The following SLC5A5 variants were observed in gnomAD, a reference collection of about 807,000 sequenced individuals.
The protein encoded by SLC5A5 is solute carrier family 5 member 5.
SLC5A5 carries 56 observed loss-of-function variants against 68.6 expected under a neutral mutation model. The observed-to-expected ratio is 0.82, with a 90% CI of 0.66 to 1.02. The LOEUF (loss-of-function observed/expected upper bound fraction) is 1.02, where lower values mean the gene tolerates loss of function less well. SLC5A5 is among the 50% of genes least tolerant of loss of function. The probability of loss-of-function intolerance (pLI) is 0.00; values close to 1 mark genes in which losing one functional copy is unlikely to be tolerated. For synonymous variants in SLC5A5, 398 were observed against 373.0 expected (o/e 1.07, Z -0.77); for missense variants, 807 against 859.8 (o/e 0.94, Z 0.77).
At chr19:17,876,941 G>A (rs779826163) in intron 5 of SLC5A5, among the ~76,000 whole-genome samples, 4 of 151,924 alleles carry the variant, frequency 2.6e-5, no homozygotes, top group Non-Finnish European at 5.9e-5. Flanking sequence ...TGAGGCAGGA[G>A]AATCGCTTGA....
chr19:17,891,802 C>T (rs2030181933), intron 14 of SLC5A5, among the ~76,000 whole-genome samples: 1 of 152,132 alleles, frequency 6.6e-6, no homozygotes, highest in African/African-American at 2.4e-5. Context: ...CCCTGGGGGA[C>T]CTGATCCCAT....
chr19:17,892,652 C>CAGACAGAGAGAGAGAGAG, intron 14 of SLC5A5, among the ~76,000 whole-genome samples: 1 of 97,402 alleles, frequency 1.0e-5, no homozygotes, highest in Non-Finnish European at 2.1e-5. Context: ...AAAGAAAAGA[C>CAGACAGAGAGAGAGAGAG]AGAGAGAGAG....
rs761915114 is a variant in SLC5A5 at position 17,876,131 on chromosome 19, C to T, written c.698+25C>T. 6.2e-6 allele frequency: 10 copies of T among 1,612,694 alleles called. No homozygotes were observed. In the South Asian group the frequency reaches 9.9e-5, roughly 16 times the overall value. ...AGTGAGTGAAAATGCAGAGGATACT[C>T]CAGCAGGATGGGGCTGGGACCAGTG... On this transcript the variant is annotated intron_variant, in intron 5 of 14. Transcript: ENST00000222248.
At chr19:17,884,570 A>C (rs2094329081) in intron 12 of SLC5A5, among the ~76,000 whole-genome samples, 1 of 151,476 alleles carries the variant, frequency 6.6e-6, no homozygotes, top group Non-Finnish European at 1.5e-5. Context: ...TCAGGAGTTC[A>C]AGACCAGCTT....
At chr19:17,876,144 G>T in intron 5 of SLC5A5, 38 bp downstream of exon 5, 1 of 1,609,006 alleles carries the variant, frequency 6.2e-7, no homozygotes, top group African/African-American at 1.3e-5. Context: ...GCAGGATGGG[G>T]CTGGGACCAG....
intron 12 of SLC5A5, 126 bp from the exon 13 acceptor site, chr19:17,888,205 A>G: frequency 8.7e-7 from 1 of 1,151,406 alleles, no homozygotes; most frequent in Non-Finnish European, 1.3e-6. Flanking sequence ...CTGGGCAGAC[A>G]GTAATGGAGG....
At chr19:17,893,077 G>GT (rs1196864981) in intron 14 of SLC5A5, among the ~76,000 whole-genome samples, 138 of 118,272 alleles carry the variant, frequency 1.2e-3, no homozygotes, top group African/African-American at 3.5e-3. Context: ...TTTTATTTGT[G>GT]TGTTTTTTTT....
rs2030024284 is a variant in SLC5A5, at chr19:17,888,617, T to TC, written c.1651+162_1651+163insC. On this transcript the variant is annotated intron_variant, in intron 13 of 14. Coordinates refer to ENST00000222248, the MANE Select transcript of SLC5A5 (RefSeq NM_000453.3). ...TTATTATTATTATTATTATTATTATTATCATCATCATCATCATCATCATCA... is the reference window on the plus strand; with the variant it reads ...TTATTATTATTATTATTATTATTATTCATCATCATCATCATCATCATCATCA... Among the ~76,000 whole-genome samples the TC allele has an allele frequency of 1.6e-4, 21 of 131,494 alleles. 1 individual carries two copies. Among genetic ancestry groups the TC allele is most frequent in the Admixed American group, 5.1e-4 (7 of 13,666 alleles). 86.3% of individuals were successfully genotyped at this position (131,494 alleles called of 152,430 possible).
chr19:17,874,802 G>A, intron 4 of SLC5A5, 71 bp downstream of exon 4: 1 of 1,474,290 alleles, frequency 6.8e-7, no homozygotes, highest in Non-Finnish European at 9.4e-7. Context: ...GAGACTCTGG[G>A]CTTGCCCCTT....
intron 13 of SLC5A5, among the ~76,000 whole-genome samples, chr19:17,890,457 T>C (rs1417717856): frequency 6.6e-6 from 1 of 152,168 alleles, no homozygotes; most frequent in African/African-American, 2.4e-5. Flanking sequence ...AGTGGCACAA[T>C]GACGGCTCAC....
At chr19:17,879,974 A>T (rs1477600453) in intron 7 of SLC5A5, among the ~76,000 whole-genome samples, 1 of 151,182 alleles carries the variant, frequency 6.6e-6, no homozygotes, top group Non-Finnish European at 1.5e-5. Flanking sequence ...ACCTCAGCTC[A>T]CTGCAACCTC....
In SLC5A5 at chr19:17,884,349, A is replaced by G. The variant is rs537360659; in HGVS notation, c.1526+303A>G. ...GCCTCGCTCTGTGGTCCAGGCTGGAATGCAGGGGTGCAATCTCAGCTTACT... is the reference window on the plus strand; with the variant it reads ...GCCTCGCTCTGTGGTCCAGGCTGGAGTGCAGGGGTGCAATCTCAGCTTACT... On this transcript the variant is annotated intron_variant, in intron 12 of 14. Coordinates refer to ENST00000222248, the MANE Select transcript of SLC5A5 (RefSeq NM_000453.3). Among the ~76,000 whole-genome samples the G allele has an allele frequency of 3.5e-3, 533 of 150,602 alleles. 4 individuals are homozygous for G. The highest frequency in any genetic ancestry group is 0.012 in the African/African-American group (485 of 40,034).
chr19:17,876,088 C>T lies in SLC5A5; in HGVS notation c.680C>T (p.Ser227Phe). Residue 227 changes from serine to phenylalanine, a missense_variant, in exon 5 of 15, where the codon TCC becomes TTC. Physicochemically the swap from Ser to Phe is radical, Grantham distance 155. Coordinates refer to ENST00000222248, the MANE Select transcript of SLC5A5 (RefSeq NM_000453.3). ...GTGCTCACGCTGGCCCAGAACCACTCCCGGATCAACCTCATGGAGTGAGTG... is the reference window on the plus strand; with the variant it reads ...GTGCTCACGCTGGCCCAGAACCACTTCCGGATCAACCTCATGGAGTGAGTG... ...RQVLTLAQNH[S>F]RINLMDFNPD... The T allele has an allele frequency of 3.7e-6, 6 of 1,614,100 alleles. No individual in the cohort carries two copies. Among genetic ancestry groups the T allele is most frequent in the Non-Finnish European group, 5.1e-6 (6 of 1,179,988 alleles).
intron 4 of SLC5A5, 23 bp from the exon 5 acceptor site, chr19:17,875,929 C>T (rs368280375): frequency 1.2e-6 from 2 of 1,613,952 alleles, no homozygotes; most frequent in African/African-American, 2.7e-5. Context: ...CGCCCCTCTC[C>T]CTCTCTCTGT....
At chr19:17,877,675 A>T (rs1243159626) in intron 5 of SLC5A5, 48 bp from the exon 6 acceptor site, 2 of 1,611,604 alleles carry the variant, frequency 1.2e-6, no homozygotes, top group Non-Finnish European at 1.7e-6. Flanking sequence ...GGGAGGGTGA[A>T]GTCAGCGTGA....
intron 12 of SLC5A5, among the ~76,000 whole-genome samples, chr19:17,885,785 T>C (rs886406842): frequency 1.9e-4 from 29 of 152,152 alleles, no homozygotes; most frequent in Admixed American, 1.7e-3. Context: ...CCACTTTCTG[T>C]TTCTATGAAT....
intron 13 of SLC5A5, 59 bp downstream of exon 13, chr19:17,888,514 C>T: frequency 1.2e-6 from 2 of 1,600,028 alleles, no homozygotes; most frequent in Non-Finnish European, 1.7e-6. Context: ...TGCCTCAAGG[C>T]TCCACCCAGC....
chr19:17,888,314 T>C lies in SLC5A5; in HGVS notation c.1527-17T>C. 6.2e-7 allele frequency: 1 copy of C among 1,613,476 alleles called. No homozygotes were observed. Among genetic ancestry groups the C allele is most frequent in the South Asian group, 1.1e-5 (1 of 91,076 alleles). ...GGATAAAAGAGGAGGTTCAAGTCTGTCTCTCCCAACCTGCAGCTCAGGAAT... is the reference window on the plus strand; with the variant it reads ...GGATAAAAGAGGAGGTTCAAGTCTGCCTCTCCCAACCTGCAGCTCAGGAAT... On this transcript the variant is annotated splice_polypyrimidine_tract_variant and intron_variant, in intron 12 of 14. Transcript: ENST00000222248.
rs11672224 is a variant in SLC5A5, at chr19:17,879,026, C to T, written c.969+933C>T. On this transcript the variant is annotated intron_variant, in intron 7 of 14. Coordinates refer to ENST00000222248, the MANE Select transcript of SLC5A5 (RefSeq NM_000453.3). ...ACCAAAACAAGGCTGGGCGCGGTGGCTTACGCCTATAATCTCAGCACTTTT... is the reference window on the plus strand; with the variant it reads ...ACCAAAACAAGGCTGGGCGCGGTGGTTTACGCCTATAATCTCAGCACTTTT... Among the ~76,000 whole-genome samples the T allele has an allele frequency of 7.7e-3, 1,135 of 147,532 alleles. 13 individuals are homozygous for T. The highest frequency in any genetic ancestry group is 0.012 in the Admixed American group (176 of 14,656).
Sources: allele counts gnomAD v4.1 joint callset (sites outside exome capture counted in the v4.1 genomes callset), GRCh38; gene constraint gnomAD v4.1.1; transcripts MANE v1.5; gene names NCBI Gene and HGNC (gene_info 2026-07-23, HGNC 2026-07-21).